CBLN4: variants seen among roughly 807,000 people sequenced by gnomAD.
CBLN4 encodes the protein cerebellin-4.
A neutral mutation model predicts 14.9 loss-of-function variants in CBLN4; 7 were observed. That is an observed-to-expected ratio of 0.47 (90% CI 0.27 to 0.88). The LOEUF is 0.88. CBLN4 is among the 40% of genes least tolerant of loss of function. CBLN4 has a pLI of 0.14. For synonymous variants in CBLN4, 131 were observed against 116.5 expected, an observed-to-expected ratio of 1.12 and a Z score of -0.80; for missense variants, 188 against 256.8, an observed-to-expected ratio of 0.73 and a Z score of 1.83.
In CBLN4 at chr20:55,998,481, G is replaced by T; in HGVS notation, c.*76C>A. On this transcript the variant is annotated 3_prime_UTR_variant, in exon 3 of 3. Transcript: ENST00000064571. The stretch of plus-strand genomic sequence containing the variant: ...AACCAATAAAAGACATCAATCCAAT[G>T]ATGAAAAAATGATCTTCCAATAACT... 6.6e-7 allele frequency: 1 copy of T among 1,518,930 alleles called. No homozygotes were observed. Among genetic ancestry groups the T allele is most frequent in the South Asian group, 1.2e-5 (1 of 86,114 alleles). The allele number at this position is 1,518,930 out of a possible 1,614,324, so 94.1% of individuals were successfully genotyped here.
Position 56,000,771 on chromosome 20 carries a change from C to T in CBLN4, c.368G>A (p.Ser123Asn), listed in dbSNP as rs1986354444. 3.7e-6 allele frequency: 6 copies of T among 1,600,968 alleles called. No homozygotes were observed. Among genetic ancestry groups the T allele is most frequent in the Non-Finnish European group, 5.1e-6 (6 of 1,174,154 alleles). The change falls in exon 2 of 3, where the codon AGT (serine) becomes AAT (asparagine). Residue 123 changes from serine to asparagine, a missense_variant. Physicochemically the swap from Ser to Asn is conservative, Grantham distance 46. Coordinates refer to ENST00000064571, the MANE Select transcript of CBLN4 (RefSeq NM_080617.6). ...VAPRKGIYSFSFHVIKVYQSQ... is the reference protein window; with the variant it reads ...VAPRKGIYSFNFHVIKVYQSQ... ...CTGGTAGACTTTAATCACGTGAAAA[C>T]TGAAACTGTAAATTCCTTTTCTTGG...
At position 56,003,900 on chromosome 20, in the gene CBLN4, C is replaced by A; in HGVS notation, c.272G>T (p.Arg91Leu). Residue 91 changes from arginine to leucine, a missense_variant, in exon 1 of 3, where the codon CGC (arginine) becomes CTC (leucine). Physicochemically the swap from Arg to Leu is moderately radical, Grantham distance 102 (BLOSUM62 -2). Coordinates refer to ENST00000064571, the MANE Select transcript of CBLN4 (RefSeq NM_080617.6). The stretch of plus-strand genomic sequence containing the variant: ...TCTGACCTGATCGAAGTAAATGATG[C>A]GCGTCTTGTTGCTCATCTCGGATGG... ...HEPSEMSNKT[R>L]IIYFDQILVN... 6.2e-7 allele frequency: 1 copy of A among 1,611,682 alleles called. No homozygotes were observed.
intron 1 of CBLN4, 45 bp from the exon 2 acceptor site, chr20:56,000,892 T>C: frequency 9.8e-7 from 1 of 1,022,714 alleles, no homozygotes; most frequent in Non-Finnish European, 1.4e-6. Flanking sequence ...TATATTTTCT[T>C]CTGTAACTAA....
In CBLN4 at chr20:56,001,521, T is replaced by G. The variant is rs185581162; in HGVS notation, c.292-674A>C. Among the ~76,000 whole-genome samples, 71 of 152,254 alleles carry G rather than the reference T, an allele frequency of 4.7e-4. No homozygotes were observed. The East Asian group carries it at 0.012, about 25-fold the overall frequency. ...GATCTGTTACCATTTTTTTTTTCATTCCTGTGCCAGCTAGGCCTTAATTAT... is the reference window on the plus strand; with the variant it reads ...GATCTGTTACCATTTTTTTTTTCATGCCTGTGCCAGCTAGGCCTTAATTAT... On this transcript the variant is annotated intron_variant, in intron 1 of 2. Coordinates refer to ENST00000064571, the MANE Select transcript of CBLN4 (RefSeq NM_080617.6).
chr20:56,000,890 C>A, intron 1 of CBLN4, 43 bp from the exon 2 acceptor site: 11 of 1,017,274 alleles, frequency 1.1e-5, no homozygotes, highest in African/African-American at 1.7e-5. Flanking sequence ...ATTATATTTT[C>A]TTCTGTAACT....
intron 1 of CBLN4, among the ~76,000 whole-genome samples, chr20:56,003,354 C>G (rs1014273783): frequency 3.3e-5 from 5 of 152,236 alleles, no homozygotes; most frequent in African/African-American, 4.8e-5. Flanking sequence ...CCCGGCTCTG[C>G]CCCCGCCCTC....
Position 55,998,443 on chromosome 20 carries a change from T to C in CBLN4, c.*114A>G. ...CAGGCTAGAATCCTTAGAATCCATA[T>C]CCACCCATGAGAAACCAATAAAAGA... On this transcript the variant is annotated 3_prime_UTR_variant, in exon 3 of 3. Coordinates refer to ENST00000064571, the MANE Select transcript of CBLN4 (RefSeq NM_080617.6). 1 of 1,155,414 alleles carries C rather than the reference T, an allele frequency of 8.7e-7. No individual in the cohort carries two copies. Among genetic ancestry groups the C allele is most frequent in the South Asian group, 1.5e-5 (1 of 67,004 alleles). 71.6% of individuals were successfully genotyped at this position (1,155,414 alleles called of 1,614,324 possible). A position where few individuals can be genotyped will look rare whatever the true frequency, so the allele number is the denominator to read the frequency against.
intron 1 of CBLN4, among the ~76,000 whole-genome samples, chr20:56,001,484 C>A (rs1473996129): frequency 1.3e-5 from 2 of 152,312 alleles, no homozygotes; most frequent in Non-Finnish European, 2.9e-5. Flanking sequence ...GCCACCACCA[C>A]CCCTCTCCTA....
Position 56,003,869 on chromosome 20 carries a change from C to A in CBLN4, c.291+12G>T. The A allele has an allele frequency of 6.3e-7, 1 of 1,586,250 alleles. No individual in the cohort carries two copies. The highest frequency in any genetic ancestry group is 2.3e-5 in the East Asian group (1 of 44,174). On this transcript the variant is annotated intron_variant, in intron 1 of 2. Transcript: ENST00000064571. ...CCCACCCCCTAGGTGCTCGCTTCCC[C>A]CCGGGTCTGACCTGATCGAAGTAAA...
At chr20:56,003,216 C>G (rs1177925616) in intron 1 of CBLN4, among the ~76,000 whole-genome samples, 1 of 152,202 alleles carries the variant, frequency 6.6e-6, no homozygotes, top group Non-Finnish European at 1.5e-5. Context: ...TTGCCAAATT[C>G]CTTTTCCTCC....
In CBLN4 at chr20:56,000,805, A is replaced by G; in HGVS notation, c.334T>C (p.Phe112Leu). The G allele has an allele frequency of 6.3e-7, 1 of 1,597,826 alleles. No individual in the cohort carries two copies. The highest frequency in any genetic ancestry group is 8.5e-7 in the Non-Finnish European group (1 of 1,172,758). ...TAAATTCCTTTTCTTGGTGCTACAA[A>G]GACAGACTCCAATGTGAAAAAATTA... is the stretch of plus-strand genomic sequence containing the variant. ...VGNFFTLESV[F>L]VAPRKGIYSF... is the part of the protein sequence containing the mutation. The change falls in exon 2 of 3, where the codon TTT (phenylalanine) becomes CTT (leucine). Residue 112 changes from phenylalanine to leucine, a missense_variant. By Grantham distance (22) the Phe-to-Leu change is conservative. This residue lies in a region of CBLN4 where 93 missense variants were observed against 157.7 expected (regional missense o/e 0.59). Coordinates refer to ENST00000064571, the MANE Select transcript of CBLN4 (RefSeq NM_080617.6).
Position 56,000,723 on chromosome 20 carries a change from A to G in CBLN4, c.408+8T>C. 6.7e-7 allele frequency: 1 copy of G among 1,495,894 alleles called. No homozygotes were observed. Among genetic ancestry groups the G allele is most frequent in the Non-Finnish European group, 9.1e-7 (1 of 1,099,212 alleles). 92.7% of individuals were successfully genotyped at this position (1,495,894 alleles called of 1,614,324 possible). A position where few individuals can be genotyped will look rare whatever the true frequency, so the allele number is the denominator to read the frequency against. On this transcript the variant is annotated splice_region_variant and intron_variant, in intron 2 of 2. Transcript: ENST00000064571. ...GAGAGTATGGATGGAAGAGGTCAAA[A>G]CACACACCTGGATAGTTTGGCTCTG... is the stretch of plus-strand genomic sequence containing the variant.
intron 2 of CBLN4, among the ~76,000 whole-genome samples, chr20:55,999,870 T>C (rs971713193): frequency 1.8e-4 from 27 of 152,200 alleles, no homozygotes; most frequent in African/African-American, 6.0e-4. Context: ...GTTTTCTAGA[T>C]TTTTTTAGGT....
chr20:55,999,119 C>T (rs1415635725), intron 2 of CBLN4, among the ~76,000 whole-genome samples: 1 of 152,088 alleles, frequency 6.6e-6, no homozygotes, highest in Admixed American at 6.6e-5. Flanking sequence ...TTGTGGCTTC[C>T]CGGTACATTC....
chr20:55,998,776 T>TA, intron 2 of CBLN4, 22 bp from the exon 3 acceptor site: 1 of 1,581,542 alleles, frequency 6.3e-7, no homozygotes. Context: ...AAAATAATAA[T>TA]AATTGAAAAG....
Position 55,998,529 on chromosome 20 carries a change from T to A in CBLN4, c.*28A>T, listed in dbSNP as rs759856200. The A allele has an allele frequency of 2.5e-6, 4 of 1,612,340 alleles. No homozygotes were observed. In the African/African-American group the frequency reaches 4.0e-5, roughly 16 times the overall value. On this transcript the variant is annotated 3_prime_UTR_variant, in exon 3 of 3. Transcript: ENST00000064571. Reference sequence around the variant, plus strand: ...ACTCAGGAGTGGGTCATCCCTCACCTGGATGAACATCATGGAGAAATTGAA... The same window carrying A: ...ACTCAGGAGTGGGTCATCCCTCACCAGGATGAACATCATGGAGAAATTGAA...
chr20:56,004,859 T>C lies in CBLN4; in HGVS notation c.-688A>G, dbSNP rs900120072. ...GCACCGAAAGCGCGGATTCGCAGGA[T>C]CAGGTCCAGGGCGCCGGGCGCAGCG... On this transcript the variant is annotated 5_prime_UTR_variant, in exon 1 of 3. Transcript: ENST00000064571. This position sits in a 1 kb window ranked among gnomAD's most constrained non-coding sequence, Gnocchi z 6.1. 1.3e-5 allele frequency: 2 copies of C among 152,348 alleles called. No individual in the cohort carries two copies. Among genetic ancestry groups the C allele is most frequent in the Non-Finnish European group, 2.9e-5 (2 of 68,192 alleles). 9.4% of individuals were successfully genotyped at this position (152,348 alleles called of 1,614,324 possible).
intron 1 of CBLN4, among the ~76,000 whole-genome samples, chr20:56,002,646 G>A (rs1296897976): frequency 1.3e-5 from 2 of 152,182 alleles, no homozygotes; most frequent in African/African-American, 2.4e-5. Flanking sequence ...ACTAGGGGTG[G>A]TGCTAGACTT....
At chr20:56,000,594 G>T (rs976276624) in intron 2 of CBLN4, 137 bp downstream of exon 2, 7 of 450,266 alleles carry the variant, frequency 1.6e-5, no homozygotes, top group East Asian at 3.4e-5. Flanking sequence ...GAAATTAAGT[G>T]TTTTAAAATA....
Sources: gnomAD v4.1 joint callset for allele counts (sites outside exome capture counted in the v4.1 genomes callset) on GRCh38, gnomAD v4.1.1 for gene constraint, gnomAD v4.1.1 regional missense constraint, Gnocchi (gnomAD v3.1) non-coding constraint, MANE v1.5 for transcripts, NCBI Gene and HGNC (gene_info 2026-07-23, HGNC 2026-07-21) for gene names.